Variants in ZNF567 observed in about 807,000 individuals in gnomAD.
ZNF567 encodes the protein zinc finger protein 567.
Under a neutral mutation model 53.9 loss-of-function variants are expected in ZNF567, and 36 were observed. That is an observed-to-expected ratio of 0.67 (90% CI 0.51 to 0.88). ZNF567 has a LOEUF of 0.88. ZNF567 is among the 40% of genes least tolerant of loss of function. ZNF567 has a pLI of 0.00. For missense variants in ZNF567, 619 were observed against 764.7 expected, an observed-to-expected ratio of 0.81 and a Z score of 2.25; for synonymous variants, 224 against 260.4, an observed-to-expected ratio of 0.86 and a Z score of 1.35.
chr19:36,686,749 C>G (rs887873362), upstream of ZNF567: 1 of 152,178 alleles, frequency 6.6e-6, no homozygotes, highest in Non-Finnish European at 1.5e-5. Flanking sequence ...TTTATTCCAC[C>G]ACTCGATTAT....
chr19:36,672,971 T>C, the ZNF567 span, among the ~76,000 whole-genome samples: 1 of 152,234 alleles, frequency 6.6e-6, no homozygotes, highest in South Asian at 2.1e-4. Flanking sequence ...CATGAATGTG[T>C]CTTCTTTATT....
At chr19:36,712,581 C>A in intron 4 of ZNF567, 69 bp downstream of exon 4, 1 of 1,593,714 alleles carries the variant, frequency 6.3e-7, no homozygotes, top group Non-Finnish European at 8.6e-7. Context: ...TGTGTATAAT[C>A]TTGAATTTCA....
At chr19:36,692,966 C>T (rs562418068) in intron 2 of ZNF567, among the ~76,000 whole-genome samples, 2 of 152,072 alleles carry the variant, frequency 1.3e-5, no homozygotes, top group Non-Finnish European at 2.9e-5. Context: ...CCCTGTGAGC[C>T]ACTTACTCTT....
At chr19:36,671,224 T>A in the ZNF567 span, among the ~76,000 whole-genome samples, 2 of 152,148 alleles carry the variant, frequency 1.3e-5, no homozygotes, top group African/African-American at 2.4e-5. Context: ...GTTAAGACAT[T>A]GCATGTCAGA....
downstream of ZNF567, among the ~76,000 whole-genome samples, chr19:36,723,711 G>C (rs753802243): frequency 6.6e-6 from 1 of 152,012 alleles, no homozygotes; most frequent in African/African-American, 2.4e-5. Context: ...GCGCATTCCT[G>C]TAATCCCAGC....
intron 3 of ZNF567, among the ~76,000 whole-genome samples, chr19:36,710,951 T>C (rs532183258): frequency 6.6e-6 from 1 of 152,332 alleles, no homozygotes; most frequent in South Asian, 2.1e-4. Context: ...CGGTGATCTC[T>C]CCAACACATG....
downstream of ZNF567, chr19:36,723,376 T>G (rs2040320118): frequency 1.6e-6 from 1 of 629,950 alleles, no homozygotes. Flanking sequence ...TGTCTCCTGA[T>G]TTACTGATTA....
chr19:36,695,164 C>T (rs1266955388), intron 3 of ZNF567, among the ~76,000 whole-genome samples: 1 of 151,110 alleles, frequency 6.6e-6, no homozygotes, highest in African/African-American at 2.4e-5. Flanking sequence ...AGGAGAATTG[C>T]GAGTCCAGGA....
intron 1 of ZNF567, among the ~76,000 whole-genome samples, chr19:36,687,896 A>G (rs2038342049): frequency 6.6e-6 from 1 of 152,188 alleles, no homozygotes; most frequent in Admixed American, 6.5e-5. Flanking sequence ...CCCCAGTGGC[A>G]GGAATTTCGT....
At chr19:36,679,082 C>A in the ZNF567 span, among the ~76,000 whole-genome samples, 50 of 151,962 alleles carry the variant, frequency 3.3e-4, no homozygotes, top group South Asian at 8.3e-4. Context: ...GTCAGGAGAT[C>A]GAGACCATCC....
At chr19:36,727,446 C>T (rs1245786253), downstream of ZNF567, 3 of 150,492 alleles carry the variant, frequency 2.0e-5, no homozygotes, top group African/African-American at 7.4e-5. Context: ...GTGGCGTGAT[C>T]TCAACTCACT....
chr19:36,687,123 G>C (rs1320881592), upstream of ZNF567: 5 of 152,514 alleles, frequency 3.3e-5, no homozygotes, highest in Non-Finnish European at 5.9e-5. Context: ...CAACACCACA[G>C]ACCTAAAAGG....
chr19:36,719,235 A>T lies in ZNF567; in HGVS notation c.511A>T (p.Ser171Cys). 1 of 1,614,084 alleles carries T rather than the reference A, an allele frequency of 6.2e-7. No individual in the cohort carries two copies. Among genetic ancestry groups the T allele is most frequent in the South Asian group, 1.1e-5 (1 of 91,082 alleles). ...EYNGYGKSLL[S>C]TKQETTHPEV... ...TAATGGATATGGGAAATCACTCCTGAGTACTAAACAAGAGACTACTCATCC... is the reference window on the plus strand; with the variant it reads ...TAATGGATATGGGAAATCACTCCTGTGTACTAAACAAGAGACTACTCATCC... The change falls in exon 6 of 6, where the codon AGT (serine) becomes TGT (cysteine). Residue 171 changes from serine (S) to cysteine (C), a missense_variant. By Grantham distance (112) the Ser-to-Cys change is moderately radical. Coordinates refer to ENST00000682579, the MANE Select transcript of ZNF567 (RefSeq NM_001322917.1).
chr19:36,699,079 A>G (rs1338103012), intron 3 of ZNF567, among the ~76,000 whole-genome samples: 1 of 152,070 alleles, frequency 6.6e-6, no homozygotes, highest in Non-Finnish European at 1.5e-5. Context: ...TCTTTAATCC[A>G]TCTTGAATTA....
intron 2 of ZNF567, among the ~76,000 whole-genome samples, chr19:36,691,231 C>A (rs914330579): frequency 6.6e-6 from 1 of 152,020 alleles, no homozygotes; most frequent in Admixed American, 6.5e-5. Context: ...GATCATGGCT[C>A]ACTGCAGCCT....
At chr19:36,694,987 C>G in intron 3 of ZNF567, 111 bp downstream of exon 3, 1 of 1,229,718 alleles carries the variant, frequency 8.1e-7, no homozygotes, top group Non-Finnish European at 1.1e-6. Flanking sequence ...TCTTTCCCTT[C>G]AGAAAACTGG....
At chr19:36,711,540 G>T (rs1172532979) in intron 3 of ZNF567, 1 of 152,130 alleles carries the variant, frequency 6.6e-6, no homozygotes, top group Admixed American at 6.6e-5. Context: ...TTATTGTATG[G>T]CATGTGCACA....
chr19:36,703,117 T>A (rs1463600880), intron 3 of ZNF567, among the ~76,000 whole-genome samples: 1 of 152,180 alleles, frequency 6.6e-6, no homozygotes, highest in Non-Finnish European at 1.5e-5. Context: ...TGGATGTCCT[T>A]TCTGTTTGTT....
intron 3 of ZNF567, among the ~76,000 whole-genome samples, chr19:36,706,844 T>TG (rs1388607642): frequency 6.7e-6 from 1 of 150,322 alleles, no homozygotes; most frequent in African/African-American, 2.5e-5. Flanking sequence ...TTTATAGAGG[T>TG]GGGGTCTCAC....
Sources: allele counts gnomAD v4.1 joint callset (sites outside exome capture counted in the v4.1 genomes callset), GRCh38; gene constraint gnomAD v4.1.1; transcripts MANE v1.5; gene names NCBI Gene and HGNC (gene_info 2026-07-23, HGNC 2026-07-21).